The following FHOD3 variants were observed in gnomAD, a reference collection of about 807,000 sequenced individuals.
The protein encoded by FHOD3 is formin homology 2 domain containing 3.
A neutral mutation model predicts 173.0 loss-of-function variants in FHOD3; 90 were observed. The observed-to-expected ratio is 0.52, with a 90% CI of 0.44 to 0.62. The LOEUF is 0.62. Ranked by LOEUF, FHOD3 falls within the 20% of genes least tolerant of loss-of-function variation. The pLI is 0.00. For synonymous variants in FHOD3, 828 were observed against 823.0 expected, an observed-to-expected ratio of 1.01 and a Z score of -0.10; for missense variants, 1,945 against 2,034.7, an observed-to-expected ratio of 0.96 and a Z score of 0.85.
At chr18:36,533,758 G>A (rs1161574849) in intron 5 of FHOD3, among the ~76,000 whole-genome samples, 2 of 152,200 alleles carry the variant, frequency 1.3e-5, no homozygotes, top group Non-Finnish European at 2.9e-5. Context: ...CAGGAGGTAA[G>A]AAAACCTGAT....
intron 9 of FHOD3, 130 bp from the exon 10 acceptor site, chr18:36,625,381 G>A (rs1281190881): frequency 1.3e-6 from 1 of 767,918 alleles, no homozygotes; most frequent in Non-Finnish European, 1.9e-6. Context: ...TGGCAGGGAA[G>A]CTGAGGCGTG....
At chr18:36,626,237 T>G (rs747703207) in intron 10 of FHOD3, among the ~76,000 whole-genome samples, 3 of 152,182 alleles carry the variant, frequency 2.0e-5, no homozygotes. Context: ...TACACACTAA[T>G]TCCATCATTT....
At chr18:36,398,269 A>G (rs1160381466) in intron 3 of FHOD3, among the ~76,000 whole-genome samples, 2 of 152,246 alleles carry the variant, frequency 1.3e-5, no homozygotes, top group Non-Finnish European at 2.9e-5. Flanking sequence ...TATTTGCACC[A>G]TATCTTGGGA....
chr18:36,478,838 T>A (rs1347189374), intron 3 of FHOD3, among the ~76,000 whole-genome samples: 2 of 151,998 alleles, frequency 1.3e-5, no homozygotes, highest in Admixed American at 1.3e-4. Flanking sequence ...CCTCCCCACC[T>A]CCACCCCCTG....
At chr18:36,344,299 G>T (rs1402769684) in intron 1 of FHOD3, among the ~76,000 whole-genome samples, 1 of 152,112 alleles carries the variant, frequency 6.6e-6, no homozygotes, top group African/African-American at 2.4e-5. Context: ...AATATTGACT[G>T]CCCAAAACAA....
At chr18:36,572,602 A>G (rs2058491281) in intron 5 of FHOD3, among the ~76,000 whole-genome samples, 1 of 152,208 alleles carries the variant, frequency 6.6e-6, no homozygotes, top group Non-Finnish European at 1.5e-5. Flanking sequence ...CTCTTCCAGT[A>G]TGATCCAGTT....
At chr18:36,367,135 C>T (rs918622100) in intron 2 of FHOD3, among the ~76,000 whole-genome samples, 1 of 152,202 alleles carries the variant, frequency 6.6e-6, no homozygotes, top group Non-Finnish European at 1.5e-5. Flanking sequence ...CCAGACTTTT[C>T]CCAAGGCCAC....
rs76222413 is a variant in FHOD3, at chr18:36,727,628, G to A, written c.3418-3018G>A. Among the ~76,000 whole-genome samples the A allele has an allele frequency of 9.1e-3, 1,380 of 152,162 alleles. 18 individuals are homozygous for A. Among genetic ancestry groups the A allele is most frequent in the African/African-American group, 0.031 (1,277 of 41,494 alleles). On this transcript the variant is annotated intron_variant, in intron 19 of 28. Coordinates refer to ENST00000590592, the MANE Select transcript of FHOD3 (RefSeq NM_001281740.3). Reference sequence around the variant, plus strand: ...CCATGATCTTGGGGTGCTCAGTGGCGCACCCCTCCCTGACTTAGAGGGGTG... The same window carrying A: ...CCATGATCTTGGGGTGCTCAGTGGCACACCCCTCCCTGACTTAGAGGGGTG...
intron 2 of FHOD3, among the ~76,000 whole-genome samples, chr18:36,356,011 C>T (rs1238514020): frequency 1.3e-5 from 2 of 152,162 alleles, no homozygotes; most frequent in South Asian, 2.1e-4. Context: ...GTGGGAGGAT[C>T]GCTTGAGTCT....
intron 27 of FHOD3, among the ~76,000 whole-genome samples, chr18:36,768,972 T>G (rs2043257056): frequency 6.6e-6 from 1 of 152,102 alleles, no homozygotes; most frequent in South Asian, 2.1e-4. Flanking sequence ...GTTGGAGAGT[T>G]AAATAATAAT....
chr18:36,551,825 CT>C (rs1322900085), intron 5 of FHOD3, among the ~76,000 whole-genome samples: 29 of 152,266 alleles, frequency 1.9e-4, no homozygotes, highest in East Asian at 1.5e-3. Context: ...GGTATTATTT[CT>C]GAGGGCTCTG....
chr18:36,599,784 C>T (rs188218375), intron 7 of FHOD3, among the ~76,000 whole-genome samples: 3 of 152,244 alleles, frequency 2.0e-5, no homozygotes, highest in African/African-American at 4.8e-5. Context: ...TGGGTATCTC[C>T]ACCAACCACC....
chr18:36,479,483 G>T (rs927927559), intron 3 of FHOD3, among the ~76,000 whole-genome samples: 24 of 152,110 alleles, frequency 1.6e-4, no homozygotes, highest in Admixed American at 6.5e-4. Context: ...AGTGTCATAA[G>T]TTTACAGCTT....
Position 36,742,792 on chromosome 18 carries a change from AT to A in FHOD3, c.3816del (p.Asn1272LysfsTer12). On this transcript the variant is annotated frameshift_variant, in exon 22 of 29. Coordinates refer to ENST00000590592, the MANE Select transcript of FHOD3 (RefSeq NM_001281740.3). LOFTEE classifies it high-confidence loss of function. ...LKEGIDQLENNKTLGFILSTL... is the reference protein window; with the variant it reads ...LKEGIDQLENXKTLGFILSTL... ...GAAGGAATAGACCAGTTGGAGAACAATAAAACCTTGGGCTTTATCCTGTCTA... is the reference window on the plus strand; with the variant it reads ...GAAGGAATAGACCAGTTGGAGAACAAAAAACCTTGGGCTTTATCCTGTCTA... 6.2e-7 allele frequency: 1 copy of A among 1,614,092 alleles called. No individual in the cohort carries two copies. Among genetic ancestry groups the A allele is most frequent in the South Asian group, 1.1e-5 (1 of 91,084 alleles).
Position 36,355,599 on chromosome 18 carries a change from C to T in FHOD3, c.226C>T (p.Leu76=), listed in dbSNP as rs2046323259. Residue 76 remains leucine (L), a synonymous_variant, in exon 2 of 29, where the codon CTG becomes TTG. Transcript: ENST00000590592. The stretch of plus-strand genomic sequence containing the variant: ...CGCCTACCTGGATTTGGAGGCCACC[C>T]TGGCAGAGCAGCGGGATGAGTTGGA... The part of the protein sequence containing the change: ...NGAYLDLEAT[L]AEQRDELEGF... 6.2e-7 allele frequency: 1 copy of T among 1,614,158 alleles called. No homozygotes were observed. Among genetic ancestry groups the T allele is most frequent in the African/African-American group, 1.3e-5 (1 of 75,048 alleles).
At chr18:36,544,422 T>C (rs2057338649) in intron 5 of FHOD3, 1 of 152,324 alleles carries the variant, frequency 6.6e-6, no homozygotes, top group Non-Finnish European at 1.5e-5. Context: ...AAATGCTTTA[T>C]TAGTTGGGGC....
rs2054876992 is a variant in FHOD3 at position 36,498,884 on chromosome 18, G to A, written c.338-3048G>A. Among the ~76,000 whole-genome samples, 5 of 151,982 alleles carry A rather than the reference G, an allele frequency of 3.3e-5. No homozygotes were observed. In the South Asian group the frequency reaches 1.0e-3, roughly 31 times the overall value. ...TTAAAAACTGATTATTTTGACTACA[G>A]CACCAAGTAGTAAAACCTTAATGAT... On this transcript the variant is annotated intron_variant, in intron 3 of 28. Coordinates refer to ENST00000590592, the MANE Select transcript of FHOD3 (RefSeq NM_001281740.3).
intron 3 of FHOD3, among the ~76,000 whole-genome samples, chr18:36,451,981 C>A (rs1430828075): frequency 6.6e-6 from 1 of 151,072 alleles, no homozygotes; most frequent in Non-Finnish European, 1.5e-5. Flanking sequence ...TCAAATTTGT[C>A]CACTTTTGTA....
intron 3 of FHOD3, among the ~76,000 whole-genome samples, chr18:36,378,872 A>T (rs2047592015): frequency 6.6e-6 from 1 of 152,058 alleles, no homozygotes; most frequent in African/African-American, 2.4e-5. Context: ...TTTAGTAAAG[A>T]CAGGGTTTCA....
Sources: allele counts gnomAD v4.1 joint callset (sites outside exome capture counted in the v4.1 genomes callset), GRCh38; gene constraint gnomAD v4.1.1; transcripts MANE v1.5; gene names NCBI Gene and HGNC (gene_info 2026-07-23, HGNC 2026-07-21).